NRXN3: variants seen among roughly 807,000 people sequenced by gnomAD.
NRXN3 encodes neurexin III.
A neutral mutation model predicts 137.6 loss-of-function variants in NRXN3; 32 were observed. That is an observed-to-expected ratio of 0.23 (90% CI 0.18 to 0.31). The LOEUF (loss-of-function observed/expected upper bound fraction) is 0.31. Among genes scored for constraint, NRXN3 ranks in the 10% least tolerant of loss-of-function variants. NRXN3 has a pLI of 1.00. For missense variants in NRXN3, 1,574 were observed against 2,062.5 expected (o/e 0.76, Z 4.59); for synonymous variants, 798 against 784.5 (o/e 1.02, Z -0.29).
intron 15 of NRXN3, among the ~76,000 whole-genome samples, chr14:79,333,760 A>G (rs1191688739): frequency 2.0e-5 from 3 of 152,126 alleles, no homozygotes; most frequent in Non-Finnish European, 2.9e-5. Flanking sequence ...TAGCAGTCCT[A>G]ATCTTATTTG....
At chr14:78,601,079 A>G (rs1351674616) in intron 4 of NRXN3, among the ~76,000 whole-genome samples, 5 of 152,238 alleles carry the variant, frequency 3.3e-5, no homozygotes, top group South Asian at 4.1e-4. Context: ...ATCTGCCTCC[A>G]TGTGTCCAGG....
chr14:79,723,425 C>T (rs886069363), intron 19 of NRXN3, among the ~76,000 whole-genome samples: 3 of 152,058 alleles, frequency 2.0e-5, no homozygotes, highest in African/African-American at 7.2e-5. Context: ...TAGAGTTTGC[C>T]CTAATTGTTG....
chr14:79,135,546 C>G (rs879571953), intron 15 of NRXN3, among the ~76,000 whole-genome samples: 1 of 152,116 alleles, frequency 6.6e-6, no homozygotes. Context: ...CCCAGGTTCA[C>G]GTATAGGAGT....
intron 19 of NRXN3, among the ~76,000 whole-genome samples, chr14:79,714,646 G>A (rs1452441745): frequency 2.0e-5 from 3 of 151,566 alleles, no homozygotes; most frequent in Non-Finnish European, 4.4e-5. Context: ...ATAATTAGAG[G>A]GAAATAAATT....
At chr14:78,570,698 A>T (rs185519583) in intron 4 of NRXN3, among the ~76,000 whole-genome samples, 77 of 152,338 alleles carry the variant, frequency 5.1e-4, no homozygotes, top group African/African-American at 1.8e-3. Context: ...ACAGAGGTGA[A>T]TGTCCCTTGC....
At position 78,421,065 on chromosome 14, in the gene NRXN3, C is replaced by T. The variant is rs181507091; in HGVS notation, c.757+123205C>T. On this transcript the variant is annotated intron_variant, in intron 4 of 20. Coordinates refer to ENST00000335750, the MANE Select transcript of NRXN3 (RefSeq NM_001330195.2). Reference sequence around the variant, plus strand: ...AGATCACAAGGTCAAGGGATCAAGACCATCCTGGCCAACATGGTGAAACCC... The same window carrying T: ...AGATCACAAGGTCAAGGGATCAAGATCATCCTGGCCAACATGGTGAAACCC... Among the ~76,000 whole-genome samples, 70 of 152,216 alleles carry T rather than the reference C, an allele frequency of 4.6e-4. No individual in the cohort carries two copies. The East Asian group carries it at 0.011, about 25-fold the overall frequency.
intron 16 of NRXN3, among the ~76,000 whole-genome samples, chr14:79,560,928 C>G (rs552039062): frequency 1.3e-4 from 20 of 152,140 alleles, no homozygotes; most frequent in Non-Finnish European, 2.4e-4. Context: ...GCTGCTCCCC[C>G]TTCCATCATA....
At chr14:79,819,113 C>G (rs985416752) in intron 20 of NRXN3, among the ~76,000 whole-genome samples, 2 of 152,192 alleles carry the variant, frequency 1.3e-5, no homozygotes, top group Non-Finnish European at 2.9e-5. Context: ...TTACCCAGAG[C>G]CAAAGTTAGC....
At chr14:78,310,375 C>T (rs73312533) in intron 4 of NRXN3, among the ~76,000 whole-genome samples, 96 of 148,774 alleles carry the variant, frequency 6.5e-4, no homozygotes, top group African/African-American at 2.0e-3. Flanking sequence ...TGTGGGTTGT[C>T]GCAGTGCACA....
intron 15 of NRXN3, among the ~76,000 whole-genome samples, chr14:79,305,148 C>A (rs1238365816): frequency 6.6e-6 from 1 of 151,944 alleles, no homozygotes; most frequent in Non-Finnish European, 1.5e-5. Context: ...TTTTAAACTA[C>A]CCATTTATGT....
intron 8 of NRXN3, among the ~76,000 whole-genome samples, chr14:78,756,971 T>C (rs931777156): frequency 6.6e-6 from 1 of 152,256 alleles, no homozygotes; most frequent in African/African-American, 2.4e-5. Context: ...ATGACTGTTA[T>C]ATTTCACATT....
chr14:78,249,111 C>A (rs535155521), intron 2 of NRXN3, among the ~76,000 whole-genome samples: 40 of 152,332 alleles, frequency 2.6e-4, no homozygotes, highest in African/African-American at 8.9e-4. Context: ...AATCTCCCCC[C>A]TCCCCTAACA....
chr14:79,702,207 T>C (rs2098757232), intron 19 of NRXN3, among the ~76,000 whole-genome samples: 1 of 152,132 alleles, frequency 6.6e-6, no homozygotes, highest in Non-Finnish European at 1.5e-5. Context: ...AGTTCTGTTT[T>C]ATTTTAAACC....
At chr14:79,120,771 G>T (rs970430952) in intron 15 of NRXN3, among the ~76,000 whole-genome samples, 1 of 152,014 alleles carries the variant, frequency 6.6e-6, no homozygotes, top group East Asian at 1.9e-4. Flanking sequence ...AACCGTTCCA[G>T]CAGGAAATAG....
At chr14:79,308,487 A>T (rs2086527462) in intron 15 of NRXN3, among the ~76,000 whole-genome samples, 1 of 152,116 alleles carries the variant, frequency 6.6e-6, no homozygotes, top group African/African-American at 2.4e-5. Flanking sequence ...TAACTTGCAT[A>T]TGGTATTCTC....
chr14:79,342,294 C>A (rs1193459000), intron 15 of NRXN3, among the ~76,000 whole-genome samples: 1 of 152,188 alleles, frequency 6.6e-6, no homozygotes, highest in African/African-American at 2.4e-5. Flanking sequence ...AAGATGCAGA[C>A]AGGTATAGAT....
rs2098690163 is a variant in NRXN3, at chr14:78,760,853, T to TG, written c.2045-42762dup. On this transcript the variant is annotated intron_variant, in intron 8 of 20. Coordinates refer to ENST00000335750, the MANE Select transcript of NRXN3 (RefSeq NM_001330195.2). ...AGGCAAAAATGGTTGGGATTTTCTG[T>TG]GGGGGAATTCCTCATGAGGAGATAG... 2.0e-5 allele frequency among the ~76,000 whole-genome samples: 3 copies of TG among 152,234 alleles called. No homozygotes were observed. The South Asian group carries it at 6.2e-4, about 32-fold the overall frequency.
At chr14:78,985,467 A>G (rs898047460) in intron 14 of NRXN3, among the ~76,000 whole-genome samples, 3 of 152,214 alleles carry the variant, frequency 2.0e-5, no homozygotes, top group African/African-American at 7.2e-5. Flanking sequence ...GGCCACAACA[A>G]AGCGGGAGAA....
chr14:79,370,459 C>T (rs2094063626), intron 15 of NRXN3, among the ~76,000 whole-genome samples: 1 of 151,836 alleles, frequency 6.6e-6, no homozygotes, highest in Admixed American at 6.6e-5. Flanking sequence ...GCTGGGATTA[C>T]AGGCATGCGC....
Sources: gnomAD v4.1 joint callset for allele counts (sites outside exome capture counted in the v4.1 genomes callset) on GRCh38, gnomAD v4.1.1 for gene constraint, MANE v1.5 for transcripts, NCBI Gene and HGNC (gene_info 2026-07-23, HGNC 2026-07-21) for gene names.